The following ADAM19 variants were observed in gnomAD, a reference collection of about 807,000 sequenced individuals.
ADAM19 encodes disintegrin and metalloproteinase domain-containing protein 19.
Under a neutral mutation model 114.7 loss-of-function variants are expected in ADAM19, and 65 were observed. That is an observed-to-expected ratio of 0.57 (90% CI 0.46 to 0.70). ADAM19 has a LOEUF of 0.70. ADAM19 is among the 30% of genes least tolerant of loss of function. The probability of loss-of-function intolerance (pLI) is 0.00; values close to 1 mark genes in which losing one functional copy is unlikely to be tolerated. For missense variants in ADAM19, 1,063 were observed against 1,204.7 expected (o/e 0.88, Z 1.74); for synonymous variants, 466 against 460.5 (o/e 1.01, Z -0.15).
chr5:157,543,992 T>A (rs1040018739), intron 3 of ADAM19, among the ~76,000 whole-genome samples: 3 of 152,232 alleles, frequency 2.0e-5, no homozygotes, highest in African/African-American at 7.2e-5. Flanking sequence ...ACATCAGTAC[T>A]CATTCCACCT....
At chr5:157,526,042 C>A (rs901066398) in intron 5 of ADAM19, among the ~76,000 whole-genome samples, 1 of 151,872 alleles carries the variant, frequency 6.6e-6, no homozygotes, top group Admixed American at 6.6e-5. Context: ...TATTATGCAA[C>A]CATTAAAAGA....
At chr5:157,535,349 C>G (rs1258356686) in intron 4 of ADAM19, among the ~76,000 whole-genome samples, 1 of 152,212 alleles carries the variant, frequency 6.6e-6, no homozygotes, top group Non-Finnish European at 1.5e-5. Flanking sequence ...TGATAAGGTT[C>G]CCAGAACTCC....
intron 22 of ADAM19, 46 bp from the exon 23 acceptor site, chr5:157,481,048 G>C: frequency 6.2e-7 from 1 of 1,612,584 alleles, no homozygotes; most frequent in Non-Finnish European, 8.5e-7. Context: ...GCTTGATGCT[G>C]ATCAATGGGA....
At chr5:157,560,533 TA>T (rs758997382) in intron 3 of ADAM19, among the ~76,000 whole-genome samples, 2 of 152,230 alleles carry the variant, frequency 1.3e-5, no homozygotes, top group African/African-American at 4.8e-5. Context: ...TTAAACAATG[TA>T]ATATATACTT....
At chr5:157,531,127 A>G (rs1756611409) in intron 4 of ADAM19, among the ~76,000 whole-genome samples, 1 of 152,164 alleles carries the variant, frequency 6.6e-6, no homozygotes, top group Admixed American at 6.6e-5. Flanking sequence ...GGCTCAAAGG[A>G]GCAAAGAGAT....
chr5:157,508,516 C>T (rs7728609), intron 9 of ADAM19, among the ~76,000 whole-genome samples: 63,359 of 151,678 alleles, frequency 0.42, 14,330 homozygotes, highest in African/African-American at 0.59. Flanking sequence ...ACTAGAATTG[C>T]TTGAGCCCAG....
chr5:157,540,706 C>T lies in ADAM19; in HGVS notation c.252-2715G>A, dbSNP rs926690841. On this transcript the variant is annotated intron_variant, in intron 3 of 22. Coordinates refer to ENST00000257527, the MANE Select transcript of ADAM19 (RefSeq NM_033274.5). Reference sequence around the variant, plus strand: ...AAACGAATGAATGAACCTTTTATCTCGTGTAGGAATCTGCCAAATGGCTAT... The same window carrying T: ...AAACGAATGAATGAACCTTTTATCTTGTGTAGGAATCTGCCAAATGGCTAT... 3.3e-4 allele frequency among the ~76,000 whole-genome samples: 51 copies of T among 152,264 alleles called. 1 individual carries two copies. The highest frequency in any genetic ancestry group is 9.2e-4 in the Admixed American group (14 of 15,288).
chr5:157,535,333 G>A (rs981633943), intron 4 of ADAM19, among the ~76,000 whole-genome samples: 2 of 152,246 alleles, frequency 1.3e-5, no homozygotes, highest in African/African-American at 4.8e-5. Flanking sequence ...CCTGACTGAT[G>A]AGTCTTGATA....
intron 3 of ADAM19, among the ~76,000 whole-genome samples, chr5:157,557,094 G>C (rs1461880907): frequency 2.0e-5 from 3 of 152,140 alleles, no homozygotes; most frequent in Non-Finnish European, 4.4e-5. Context: ...TTTTGGTAGA[G>C]ACAGGGTTTT....
chr5:157,573,279 T>C (rs1200602732), intron 1 of ADAM19, among the ~76,000 whole-genome samples: 1 of 152,222 alleles, frequency 6.6e-6, no homozygotes, highest in Non-Finnish European at 1.5e-5. Context: ...TTCTCAATGT[T>C]GTATCAGAGC....
intron 7 of ADAM19, among the ~76,000 whole-genome samples, chr5:157,516,680 G>T (rs1336035757): frequency 6.6e-6 from 1 of 152,164 alleles, no homozygotes; most frequent in African/African-American, 2.4e-5. Context: ...TGAAAAAAAT[G>T]ACTCAAGACC....
At position 157,478,772 on chromosome 5, in the gene ADAM19, C is replaced by G; in HGVS notation, c.*2177G>C. 1 of 985,786 alleles carries G rather than the reference C, an allele frequency of 1.0e-6. No individual in the cohort carries two copies. Among genetic ancestry groups the G allele is most frequent in the Non-Finnish European group, 1.2e-6 (1 of 829,920 alleles). The allele number at this position is 985,786 out of a possible 1,614,324, so 61.1% of individuals were successfully genotyped here. Reference sequence around the variant, plus strand: ...GTGATATGAAAATAATAAAACAAAACAAAACAAAAAGCAAGAAAACGACAA... The same window carrying G: ...GTGATATGAAAATAATAAAACAAAAGAAAACAAAAAGCAAGAAAACGACAA... On this transcript the variant is annotated 3_prime_UTR_variant, in exon 23 of 23. Coordinates refer to ENST00000257527, the MANE Select transcript of ADAM19 (RefSeq NM_033274.5).
chr5:157,485,131 ACTCGTTATCTATTTT>A, intron 21 of ADAM19, among the ~76,000 whole-genome samples: 1 of 152,128 alleles, frequency 6.6e-6, no homozygotes, highest in East Asian at 1.9e-4. Flanking sequence ...TGGATCTTCA[ACTCGTTATCTATTTT>A]CTCTTCTGCA....
chr5:157,556,713 C>G (rs926824571), intron 3 of ADAM19, among the ~76,000 whole-genome samples: 2 of 152,196 alleles, frequency 1.3e-5, no homozygotes, highest in Admixed American at 6.5e-5. Context: ...TGACTCCTGG[C>G]TATGCCCAAT....
chr5:157,506,989 G>T, intron 10 of ADAM19, 67 bp downstream of exon 10: 1 of 1,314,986 alleles, frequency 7.6e-7, no homozygotes, highest in Non-Finnish European at 1.1e-6. Context: ...TTATTCAAAA[G>T]ATGACCTCTG....
chr5:157,510,212 C>T (rs1755873746), intron 8 of ADAM19, among the ~76,000 whole-genome samples: 1 of 152,246 alleles, frequency 6.6e-6, no homozygotes, highest in African/African-American at 2.4e-5. Flanking sequence ...TGGTGGCTCA[C>T]ACCTGTAATC....
chr5:157,538,492 C>T (rs540852582), intron 3 of ADAM19, among the ~76,000 whole-genome samples: 1 of 152,338 alleles, frequency 6.6e-6, no homozygotes, highest in South Asian at 2.1e-4. Context: ...ACCTGTATTT[C>T]AAGCGAAGCC....
At chr5:157,572,270 T>C in intron 1 of ADAM19, 1 of 456,296 alleles carries the variant, frequency 2.2e-6, no homozygotes, top group Non-Finnish European at 4.4e-6. Context: ...GTATTTTTAC[T>C]AGAGACTGGG....
intron 18 of ADAM19, 110 bp downstream of exon 18, chr5:157,491,505 A>G (rs1755155058): frequency 2.6e-6 from 2 of 781,686 alleles, no homozygotes; most frequent in Admixed American, 3.1e-5. Context: ...TCTCTACAAA[A>G]TCAGGACAAT....
Sources: allele counts gnomAD v4.1 joint callset (sites outside exome capture counted in the v4.1 genomes callset), GRCh38; gene constraint gnomAD v4.1.1; transcripts MANE v1.5; gene names NCBI Gene and HGNC (gene_info 2026-07-23, HGNC 2026-07-21).